Variants in MBNL2 observed in about 807,000 individuals in gnomAD.
MBNL2 encodes the protein muscleblind like splicing regulator 2.
A neutral mutation model predicts 41.9 loss-of-function variants in MBNL2; 17 were observed. That is an observed-to-expected ratio of 0.41 (90% CI 0.28 to 0.61). MBNL2 has a LOEUF of 0.61. Among genes scored for constraint, MBNL2 ranks in the 20% least tolerant of loss-of-function variants. The pLI, the probability that MBNL2 is intolerant of heterozygous loss-of-function variation, is 0.35. For missense variants in MBNL2, 336 were observed against 505.6 expected (o/e 0.66, Z 3.22); for synonymous variants, 195 against 182.9 (o/e 1.07, Z -0.53).
intron 1 of MBNL2, among the ~76,000 whole-genome samples, chr13:97,263,741 C>T (rs940218340): frequency 6.6e-6 from 1 of 151,954 alleles, no homozygotes; most frequent in Non-Finnish European, 1.5e-5. Flanking sequence ...CCTCAGCCTC[C>T]CAAGTAGCTG....
intron 2 of MBNL2, among the ~76,000 whole-genome samples, chr13:97,327,661 C>T (rs557542542): frequency 6.6e-6 from 1 of 150,670 alleles, no homozygotes; most frequent in African/African-American, 2.4e-5. Context: ...CTGCTTTACA[C>T]TCTAGATAAG....
intron 2 of MBNL2, among the ~76,000 whole-genome samples, chr13:97,285,295 C>G (rs1366174316): frequency 6.6e-6 from 1 of 152,284 alleles, no homozygotes; most frequent in African/African-American, 2.4e-5. Flanking sequence ...TTAGCTCACT[C>G]ATTCATTCAT....
chr13:97,308,914 G>A (rs1475038874), intron 2 of MBNL2, among the ~76,000 whole-genome samples: 2 of 152,176 alleles, frequency 1.3e-5, no homozygotes, highest in Non-Finnish European at 1.5e-5. Context: ...AGCAAAAGAA[G>A]CCCTGGGAAG....
intron 3 of MBNL2, among the ~76,000 whole-genome samples, chr13:97,340,254 T>C (rs1395161278): frequency 6.6e-6 from 1 of 152,220 alleles, no homozygotes; most frequent in African/African-American, 2.4e-5. Flanking sequence ...TCAACTTCAA[T>C]GAAAAACATG....
chr13:97,293,185 G>A lies in MBNL2; in HGVS notation c.174+16776G>A, dbSNP rs184770263. Among the ~76,000 whole-genome samples the A allele has an allele frequency of 2.6e-5, 4 of 151,850 alleles. No individual in the cohort carries two copies. The South Asian group carries it at 8.3e-4, about 32-fold the overall frequency. On this transcript the variant is annotated intron_variant, in intron 2 of 8. Transcript: ENST00000679496. The stretch of plus-strand genomic sequence containing the variant: ...AATTCTTTTTTCGTTGAAGTATTTA[G>A]GACTGTAAATCTGCTACAAAAAATA...
chr13:97,285,910 T>A (rs755572980), intron 2 of MBNL2, among the ~76,000 whole-genome samples: 1 of 152,170 alleles, frequency 6.6e-6, no homozygotes, highest in Non-Finnish European at 1.5e-5. Flanking sequence ...TACTGGACTC[T>A]CTCCAGACTT....
chr13:97,144,110 C>G, the MBNL2 span, among the ~76,000 whole-genome samples: 2 of 152,314 alleles, frequency 1.3e-5, no homozygotes, highest in African/African-American at 4.8e-5. Context: ...TCCCAAAGCA[C>G]TAGGATTACG....
the MBNL2 span, among the ~76,000 whole-genome samples, chr13:97,208,379 T>C: frequency 6.6e-6 from 1 of 152,210 alleles, no homozygotes; most frequent in Non-Finnish European, 1.5e-5. Context: ...TATTGTGACT[T>C]AGGCAGGGGA....
intron 3 of MBNL2, among the ~76,000 whole-genome samples, chr13:97,336,218 T>G (rs2060870105): frequency 6.6e-6 from 1 of 152,194 alleles, no homozygotes; most frequent in South Asian, 2.1e-4. Context: ...AATATTACAC[T>G]TAAATATTTT....
upstream of MBNL2, among the ~76,000 whole-genome samples, chr13:97,219,334 A>G (rs1472001848): frequency 6.6e-6 from 1 of 152,220 alleles, no homozygotes; most frequent in African/African-American, 2.4e-5. Context: ...GCTACATGGC[A>G]CAGAGCCTCA....
the MBNL2 span, among the ~76,000 whole-genome samples, chr13:97,191,524 G>T: frequency 4.6e-5 from 7 of 151,926 alleles, no homozygotes; most frequent in Non-Finnish European, 1.0e-4. Flanking sequence ...TGCGGCAGTT[G>T]TGTGAGGTTA....
At chr13:97,371,217 TAA>T (rs1488083444) in intron 8 of MBNL2, among the ~76,000 whole-genome samples, 24 of 152,324 alleles carry the variant, frequency 1.6e-4, no homozygotes, top group Non-Finnish European at 2.4e-4. Flanking sequence ...AAATATACTT[TAA>T]GTTTCTTCAT....
chr13:97,340,869 A>G lies in MBNL2; in HGVS notation c.340-2147A>G, dbSNP rs374313169. ...TGAAGACAAAAGTTACCTAATTGGA[A>G]TAGATTTGTCGATATCCAAAATGGT... On this transcript the variant is annotated intron_variant, in intron 3 of 8. Transcript: ENST00000679496. 1.2e-4 allele frequency among the ~76,000 whole-genome samples: 18 copies of G among 152,340 alleles called. No individual in the cohort carries two copies. In the East Asian group the frequency reaches 1.3e-3, roughly 11 times the overall value.
chr13:97,203,929 A>G, the MBNL2 span, among the ~76,000 whole-genome samples: 25,326 of 151,690 alleles, frequency 0.17, 2,801 homozygotes, highest in African/African-American at 0.32. Context: ...CGGACGGATG[A>G]ATGGATGGAC....
At chr13:97,233,175 A>ATC (rs1566356028) in intron 1 of MBNL2, among the ~76,000 whole-genome samples, 1 of 94,094 alleles carries the variant, frequency 1.1e-5, no homozygotes, top group Non-Finnish European at 2.1e-5. Context: ...ATATATATAT[A>ATC]TCTTTTTATT....
the MBNL2 span, among the ~76,000 whole-genome samples, chr13:97,175,870 CA>C: frequency 6.6e-6 from 1 of 152,146 alleles, no homozygotes; most frequent in Admixed American, 6.5e-5. Flanking sequence ...AATGCATAGC[CA>C]AAGCAGGCTT....
At chr13:97,365,385 C>CA (rs2153121100) in intron 8 of MBNL2, among the ~76,000 whole-genome samples, 1 of 152,238 alleles carries the variant, frequency 6.6e-6, no homozygotes, top group South Asian at 2.1e-4. Flanking sequence ...ACAATCACTA[C>CA]AAAAACATAA....
chr13:97,233,554 C>T (rs545022660), intron 1 of MBNL2, among the ~76,000 whole-genome samples: 6 of 152,058 alleles, frequency 3.9e-5, no homozygotes, highest in African/African-American at 1.4e-4. Flanking sequence ...GTGGAAGGAA[C>T]TATTTATTTT....
the MBNL2 span, among the ~76,000 whole-genome samples, chr13:97,212,258 C>T: frequency 1.3e-5 from 2 of 152,070 alleles, no homozygotes; most frequent in Non-Finnish European, 2.9e-5. Flanking sequence ...GAATATTCTG[C>T]TTGGAACACA....
Sources: gnomAD v4.1 joint callset for allele counts (sites outside exome capture counted in the v4.1 genomes callset) on GRCh38, gnomAD v4.1.1 for gene constraint, MANE v1.5 for transcripts, NCBI Gene and HGNC (gene_info 2026-07-23, HGNC 2026-07-21) for gene names.